The following SLC25A48 variants were observed in gnomAD, a reference collection of about 807,000 sequenced individuals.
SLC25A48 encodes solute carrier family 25 member 48, also known as CTC-321K16.1.
SLC25A48 carries 29 observed loss-of-function variants against 32.2 expected under a neutral mutation model. The observed-to-expected ratio is 0.90, with a 90% CI of 0.67 to 1.23. SLC25A48 has a LOEUF of 1.23. Among genes scored for constraint, SLC25A48 ranks in the 50% most tolerant of loss-of-function variants. SLC25A48 has a pLI of 0.00. For missense variants in SLC25A48, 399 were observed against 422.7 expected (o/e 0.94, Z 0.49); for synonymous variants, 164 against 172.3 (o/e 0.95, Z 0.38).
chr5:135,735,690 G>T (rs1755343480), intron 3 of SLC25A48, among the ~76,000 whole-genome samples: 1 of 152,200 alleles, frequency 6.6e-6, no homozygotes, highest in Admixed American at 6.5e-5. Context: ...GCCAGCGGTT[G>T]TCAGTGTGAG....
chr5:135,586,626 C>T (rs1751372799), intron 1 of SLC25A48, among the ~76,000 whole-genome samples: 1 of 152,154 alleles, frequency 6.6e-6, no homozygotes, highest in Non-Finnish European at 1.5e-5. Flanking sequence ...GGCATTCGTG[C>T]TCTGATAGGG....
At chr5:135,880,768 CCTAG>C (rs1762409553) in intron 7 of SLC25A48, among the ~76,000 whole-genome samples, 1 of 152,188 alleles carries the variant, frequency 6.6e-6, no homozygotes, top group Non-Finnish European at 1.5e-5. Context: ...CTCTCTCACC[CCTAG>C]GTCTTTGCTC....
chr5:135,802,549 T>C (rs1355982187), intron 3 of SLC25A48, among the ~76,000 whole-genome samples: 1 of 151,470 alleles, frequency 6.6e-6, no homozygotes, highest in Non-Finnish European at 1.5e-5. Flanking sequence ...CAGTGGGGGG[T>C]ACACCATGTG....
At chr5:135,621,753 A>G (rs1459570708) in intron 1 of SLC25A48, among the ~76,000 whole-genome samples, 3 of 152,200 alleles carry the variant, frequency 2.0e-5, no homozygotes, top group South Asian at 2.1e-4. Context: ...TACAGGCATC[A>G]GAATTCCTGG....
At chr5:135,761,171 C>T (rs189585086) in intron 3 of SLC25A48, among the ~76,000 whole-genome samples, 21 of 152,044 alleles carry the variant, frequency 1.4e-4, no homozygotes, top group African/African-American at 3.6e-4. Flanking sequence ...ATTAATTAGC[C>T]GGGCATGGTG....
intron 4 of SLC25A48, among the ~76,000 whole-genome samples, chr5:135,818,099 CTCTCTCTCTCTCTCTCT>C (rs1757782095): frequency 7.3e-6 from 1 of 136,560 alleles, no homozygotes; most frequent in African/African-American, 2.8e-5. Context: ...CTCTCTCTCT[CTCTCTCTCTCTCTCTCT>C]CTCCCTCTGT....
intron 3 of SLC25A48, among the ~76,000 whole-genome samples, chr5:135,755,481 A>G (rs2127012322): frequency 6.6e-6 from 1 of 151,950 alleles, no homozygotes; most frequent in South Asian, 2.1e-4. Flanking sequence ...GATACTTATC[A>G]TATCATATCT....
At chr5:135,673,564 T>C (rs1295522500) in intron 3 of SLC25A48, among the ~76,000 whole-genome samples, 1 of 152,164 alleles carries the variant, frequency 6.6e-6, no homozygotes, top group Non-Finnish European at 1.5e-5. Context: ...TAAACTGAAT[T>C]TTTTGTCTTC....
intron 1 of SLC25A48, among the ~76,000 whole-genome samples, chr5:135,839,519 G>A (rs895641971): frequency 6.6e-6 from 1 of 152,192 alleles, no homozygotes; most frequent in Admixed American, 6.5e-5. Flanking sequence ...ATAAGTGGAA[G>A]GGACTTGCCT....
intron 3 of SLC25A48, among the ~76,000 whole-genome samples, chr5:135,734,847 A>G (rs947086227): frequency 3.5e-4 from 49 of 139,974 alleles, no homozygotes; most frequent in Non-Finnish European, 7.1e-4. Flanking sequence ...GAAGAAGAAG[A>G]AGGGGACGGA....
intron 1 of SLC25A48, among the ~76,000 whole-genome samples, chr5:135,599,839 A>T (rs1751745203): frequency 6.6e-6 from 1 of 151,896 alleles, no homozygotes; most frequent in Admixed American, 6.6e-5. Flanking sequence ...TGGCCTTCGC[A>T]CTCCCAGGCT....
At chr5:135,852,432 C>T (rs1759948619) in intron 3 of SLC25A48, 131 bp from the exon 4 acceptor site, 1 of 1,165,204 alleles carries the variant, frequency 8.6e-7, no homozygotes, top group Non-Finnish European at 1.2e-6. Flanking sequence ...CCTCCTGTCG[C>T]ATCAGCACCC....
At chr5:135,716,978 G>A (rs1754815924) in intron 3 of SLC25A48, among the ~76,000 whole-genome samples, 1 of 152,152 alleles carries the variant, frequency 6.6e-6, no homozygotes, top group South Asian at 2.1e-4. Flanking sequence ...TGTACTATGG[G>A]CCTTGGGAGG....
intron 3 of SLC25A48, among the ~76,000 whole-genome samples, chr5:135,792,539 C>T (rs1412139746): frequency 4.0e-5 from 6 of 151,654 alleles, no homozygotes; most frequent in African/African-American, 1.5e-4. Context: ...TATGTGTATA[C>T]ACTCTCTGGG....
At chr5:135,579,189 C>A (rs1185023422), upstream of SLC25A48, 4 of 302,372 alleles carry the variant, frequency 1.3e-5, no homozygotes, top group Non-Finnish European at 2.4e-5. Flanking sequence ...GAGCCACGCG[C>A]GCACACGCAC....
At chr5:135,591,036 G>A (rs1751513301) in intron 1 of SLC25A48, among the ~76,000 whole-genome samples, 1 of 152,224 alleles carries the variant, frequency 6.6e-6, no homozygotes, top group African/African-American at 2.4e-5. Flanking sequence ...AGTGCTGCCT[G>A]GCACTCAGGT....
intron 4 of SLC25A48, 143 bp from the exon 5 acceptor site, chr5:135,871,318 C>A: frequency 2.0e-6 from 2 of 983,998 alleles, no homozygotes; most frequent in Non-Finnish European, 2.9e-6. Context: ...CTGGTTTGAG[C>A]TGCCAAGAAG....
At chr5:135,625,655 C>A (rs1481720299) in intron 1 of SLC25A48, among the ~76,000 whole-genome samples, 1 of 152,150 alleles carries the variant, frequency 6.6e-6, no homozygotes, top group African/African-American at 2.4e-5. Flanking sequence ...CCCAAGATTC[C>A]TTGTGGCAGG....
At chr5:135,761,625 G>C (rs539518574) in intron 3 of SLC25A48, among the ~76,000 whole-genome samples, 78 of 152,274 alleles carry the variant, frequency 5.1e-4, no homozygotes, top group African/African-American at 1.8e-3. Flanking sequence ...AAATACCCTA[G>C]CTCCACCACA....
Sources: gnomAD v4.1 joint callset for allele counts (sites outside exome capture counted in the v4.1 genomes callset) on GRCh38, gnomAD v4.1.1 for gene constraint, MANE v1.5 for transcripts, NCBI Gene and HGNC (gene_info 2026-07-23, HGNC 2026-07-21) for gene names.